PRPF19: variants seen among roughly 807,000 people sequenced by gnomAD.
PRPF19 encodes the protein pre-mRNA-processing factor 19.
A neutral mutation model predicts 64.2 loss-of-function variants in PRPF19; 2 were observed. The ratio of observed to expected loss-of-function variants is 0.03; its 90% CI spans 0.01 to 0.10. PRPF19 has a LOEUF of 0.10. PRPF19 is among the 10% of genes least tolerant of loss of function. The pLI is 1.00. For synonymous variants in PRPF19, 226 were observed against 251.6 expected, an observed-to-expected ratio of 0.90 and a Z score of 0.96; for missense variants, 314 against 650.0, an observed-to-expected ratio of 0.48 and a Z score of 5.62.
At chr11:60,893,926 A>C (rs1044948491) in intron 15 of PRPF19, among the ~76,000 whole-genome samples, 5 of 152,244 alleles carry the variant, frequency 3.3e-5, no homozygotes, top group African/African-American at 1.2e-4. Context: ...CTCAAAAAAA[A>C]ATGTTATGTT....
At position 60,906,552 on chromosome 11, in the gene PRPF19, C is replaced by A. The variant is rs1856051460; in HGVS notation, c.-170G>T. The stretch of plus-strand genomic sequence containing the variant: ...CGCTTCACGTGGGAATGGGGACAGC[C>A]GCGCGCCACAGCCTTCAGCACCTAA... On this transcript the variant is annotated 5_prime_UTR_variant, in exon 1 of 16. Transcript: ENST00000227524. The A allele has an allele frequency of 3.0e-6, 2 of 667,586 alleles. No homozygotes were observed. The highest frequency in any genetic ancestry group is 3.0e-5 in the Admixed American group (1 of 33,444). 41.4% of individuals were successfully genotyped at this position (667,586 alleles called of 1,614,324 possible).
At position 60,902,391 on chromosome 11, in the gene PRPF19, A is replaced by G. The variant is rs986342676; in HGVS notation, c.525+12T>C. Reference sequence around the variant, plus strand: ...CCCATCAGCACTCCCACCAGGTGAGAGCAGGACTTACCTTCTGAATAATCT... The same window carrying G: ...CCCATCAGCACTCCCACCAGGTGAGGGCAGGACTTACCTTCTGAATAATCT... On this transcript the variant is annotated intron_variant, in intron 6 of 15. Coordinates refer to ENST00000227524, the MANE Select transcript of PRPF19 (RefSeq NM_014502.5). This position sits in a 1 kb window ranked among gnomAD's most constrained non-coding sequence, Gnocchi z 5.0. The G allele has an allele frequency of 6.8e-6, 11 of 1,612,450 alleles. No homozygotes were observed. Among genetic ancestry groups the G allele is most frequent in the Non-Finnish European group, 8.5e-6 (10 of 1,178,940 alleles).
At chr11:60,896,535 A>T (rs1855922348) in intron 15 of PRPF19, among the ~76,000 whole-genome samples, 1 of 152,214 alleles carries the variant, frequency 6.6e-6, no homozygotes, top group African/African-American at 2.4e-5. Flanking sequence ...AGTTCTCACG[A>T]GATCTGATGG....
At chr11:60,895,062 G>A (rs1226590643) in intron 15 of PRPF19, among the ~76,000 whole-genome samples, 1 of 152,216 alleles carries the variant, frequency 6.6e-6, no homozygotes, top group Non-Finnish European at 1.5e-5. Context: ...TTTTCAGAAT[G>A]CTAAATGAGC....
In PRPF19 at chr11:60,890,899, G is replaced by T. The variant is rs905926841; in HGVS notation, c.*267C>A. ...ACCACGTCCATTGAACGACAGGAAG[G>T]GAGAGGCCCTGGGCTCCGACCCTGG... On this transcript the variant is annotated 3_prime_UTR_variant, in exon 16 of 16. Transcript: ENST00000227524. 5.9e-5 allele frequency: 34 copies of T among 576,782 alleles called. No homozygotes were observed. The Admixed American group carries it at 7.4e-4, about 13-fold the overall frequency. 35.7% of individuals were successfully genotyped at this position (576,782 alleles called of 1,614,324 possible). A position where few individuals can be genotyped will look rare whatever the true frequency, so the allele number is the denominator to read the frequency against.
In PRPF19 at chr11:60,891,103, C is replaced by T. The variant is rs569612801; in HGVS notation, c.*63G>A. The T allele has an allele frequency of 0.014, 7,341 of 534,796 alleles. 199 individuals carry two copies. Among genetic ancestry groups the T allele is most frequent in the South Asian group, 0.02 (1,148 of 57,206 alleles). The allele number at this position is 534,796 out of a possible 1,614,324, so 33.1% of individuals were successfully genotyped here. ...CCCATAGATTCCCCCCACCCCCCCCCCCAAACCCTAATTCTACCCCTCTAC... is the reference window on the plus strand; with the variant it reads ...CCCATAGATTCCCCCCACCCCCCCCTCCAAACCCTAATTCTACCCCTCTAC... On this transcript the variant is annotated 3_prime_UTR_variant, in exon 16 of 16. Transcript: ENST00000227524.
At chr11:60,901,861 C>T (rs1855987222) in intron 6 of PRPF19, among the ~76,000 whole-genome samples, 1 of 152,108 alleles carries the variant, frequency 6.6e-6, no homozygotes, top group African/African-American at 2.4e-5. Context: ...CGCCACTAAG[C>T]CAAGGGCTCA....
At position 60,898,684 on chromosome 11, in the gene PRPF19, G is replaced by C; in HGVS notation, c.1055-58C>G. The C allele has an allele frequency of 6.2e-7, 1 of 1,611,974 alleles. No individual in the cohort carries two copies. The highest frequency in any genetic ancestry group is 8.5e-7 in the Non-Finnish European group (1 of 1,178,892). ...AGCCCACCAGGGAGAGAGACTAAGA[G>C]CAGCAAAGGTAGGTTCCTTGTTCTT... On this transcript the variant is annotated intron_variant, in intron 12 of 15. Coordinates refer to ENST00000227524, the MANE Select transcript of PRPF19 (RefSeq NM_014502.5). This position sits in a 1 kb window ranked among gnomAD's most constrained non-coding sequence, Gnocchi z 4.6.
Position 60,898,656 on chromosome 11 carries a change from C to A in PRPF19, c.1055-30G>T. The A allele has an allele frequency of 6.2e-7, 1 of 1,613,674 alleles. No homozygotes were observed. Among genetic ancestry groups the A allele is most frequent in the South Asian group, 1.1e-5 (1 of 90,882 alleles). On this transcript the variant is annotated intron_variant, in intron 12 of 15. Coordinates refer to ENST00000227524, the MANE Select transcript of PRPF19 (RefSeq NM_014502.5). The surrounding 1 kb of genome is among the most constrained non-coding windows in gnomAD (Gnocchi z 4.6). ...GGAGGAGGGAAGAGAGACCTGTGGT[C>A]AGAGCCCACCAGGGAGAGAGACTAA...
intron 6 of PRPF19, among the ~76,000 whole-genome samples, chr11:60,901,910 A>G (rs1855987597): frequency 1.3e-5 from 2 of 152,182 alleles, no homozygotes. Flanking sequence ...GAAAGACACT[A>G]AGAAGCCCTG....
intron 15 of PRPF19, among the ~76,000 whole-genome samples, chr11:60,893,829 C>A (rs1427652484): frequency 4.6e-5 from 7 of 151,798 alleles, no homozygotes; most frequent in African/African-American, 1.7e-4. Context: ...ATGGTGCCCA[C>A]CTGTGCTAGA....
At chr11:60,905,554 T>C (rs1856036292) in intron 1 of PRPF19, 1 of 152,162 alleles carries the variant, frequency 6.6e-6, no homozygotes, top group Non-Finnish European at 1.5e-5. Context: ...TGATAAAATA[T>C]CAAAGGGAAA....
rs1856049926 is a variant in PRPF19 at position 60,906,466 on chromosome 11, G to A, written c.-84C>T. 7.0e-7 allele frequency: 1 copy of A among 1,429,320 alleles called. No individual in the cohort carries two copies. Among genetic ancestry groups the A allele is most frequent in the Non-Finnish European group, 9.5e-7 (1 of 1,049,336 alleles). 88.5% of individuals were successfully genotyped at this position (1,429,320 alleles called of 1,614,324 possible). On this transcript the variant is annotated 5_prime_UTR_variant, in exon 1 of 16. Coordinates refer to ENST00000227524, the MANE Select transcript of PRPF19 (RefSeq NM_014502.5). ...CTCCGCGAGCCACTTCCGGTCCCCCGCTGCTGCCGGGACTGCTCCGCGGCG... is the reference window on the plus strand; with the variant it reads ...CTCCGCGAGCCACTTCCGGTCCCCCACTGCTGCCGGGACTGCTCCGCGGCG...
intron 1 of PRPF19, among the ~76,000 whole-genome samples, chr11:60,904,410 T>C (rs1856019650): frequency 6.6e-6 from 1 of 152,228 alleles, no homozygotes; most frequent in South Asian, 2.1e-4. Flanking sequence ...AATTCAATTC[T>C]GACACCAGGT....
In PRPF19 at chr11:60,897,940, C is replaced by G. The variant is rs1340608190; in HGVS notation, c.1323G>C (p.Leu441=). The G allele has an allele frequency of 6.2e-7, 1 of 1,614,172 alleles. No individual in the cohort carries two copies. The highest frequency in any genetic ancestry group is 8.5e-7 in the Non-Finnish European group (1 of 1,180,024). ...GGTAGGTACCACTCTGGTCAAAGAT[C>G]AGTGACTTTACCTGCCAGAAATAGA... ...QLDNNFEVKS[L]IFDQSGTYLA... Residue 441 remains leucine, a synonymous_variant, in exon 15 of 16, where the codon CTG becomes CTC. Transcript: ENST00000227524.
chr11:60,898,071 G>A lies in PRPF19; in HGVS notation c.1311+30C>T. ...TAATTGACAAACAAGGAGACACAAT[G>A]GAAAGCTGGGCGGAGGGGGAAGGGC... On this transcript the variant is annotated intron_variant, in intron 14 of 15. Transcript: ENST00000227524. The surrounding 1 kb of genome is among the most constrained non-coding windows in gnomAD (Gnocchi z 4.6). 1 of 1,610,048 alleles carries A rather than the reference G, an allele frequency of 6.2e-7. No individual in the cohort carries two copies. The highest frequency in any genetic ancestry group is 8.5e-7 in the Non-Finnish European group (1 of 1,177,500).
chr11:60,901,641 T>C, intron 6 of PRPF19, 101 bp from the exon 7 acceptor site: 1 of 1,372,986 alleles, frequency 7.3e-7, no homozygotes, highest in East Asian at 2.3e-5. Context: ...CACCAAGAAC[T>C]TGCTATCTGC....
rs61899179 is a variant in PRPF19, at chr11:60,898,934, G to T, written c.985-3C>A. The T allele has an allele frequency of 6.3e-7, 1 of 1,591,348 alleles. No individual in the cohort carries two copies. Among genetic ancestry groups the T allele is most frequent in the Non-Finnish European group, 8.6e-7 (1 of 1,168,048 alleles). ...TGGATGTCAGAGAAAGCCCAGTACT[G>T]GGGAAAAAAAAAGAGACAATGGAGT... is the stretch of plus-strand genomic sequence containing the variant. On this transcript the variant is annotated splice_region_variant and splice_polypyrimidine_tract_variant and intron_variant, in intron 11 of 15. Coordinates refer to ENST00000227524, the MANE Select transcript of PRPF19 (RefSeq NM_014502.5). This position sits in a 1 kb window ranked among gnomAD's most constrained non-coding sequence, Gnocchi z 4.6.
intron 11 of PRPF19, 25 bp downstream of exon 11, chr11:60,899,124 T>C: frequency 1.2e-6 from 2 of 1,603,326 alleles, no homozygotes; most frequent in Non-Finnish European, 1.7e-6. Context: ...AGCAGGCCTC[T>C]CCAGGGCACT....
Sources: gnomAD v4.1 joint callset for allele counts (sites outside exome capture counted in the v4.1 genomes callset) on GRCh38, gnomAD v4.1.1 for gene constraint, Gnocchi (gnomAD v3.1) non-coding constraint, MANE v1.5 for transcripts, NCBI Gene and HGNC (gene_info 2026-07-23, HGNC 2026-07-21) for gene names.